The following ISM1 variants were observed in gnomAD, a reference collection of about 807,000 sequenced individuals.
ISM1 encodes isthmin 1.
Under a neutral mutation model 46.3 loss-of-function variants are expected in ISM1, and 25 were observed. The observed-to-expected ratio is 0.54, with a 90% confidence interval of 0.39 to 0.75. ISM1 has a LOEUF of 0.75. Ranked by LOEUF, ISM1 falls within the 30% of genes least tolerant of loss-of-function variation. The probability of loss-of-function intolerance (pLI) is 0.00; values close to 1 mark genes in which losing one functional copy is unlikely to be tolerated. For synonymous variants in ISM1, 255 were observed against 256.7 expected, an observed-to-expected ratio of 0.99 and a Z score of 0.06; for missense variants, 536 against 625.4, an observed-to-expected ratio of 0.86 and a Z score of 1.52.
intron 5 of ISM1, among the ~76,000 whole-genome samples, chr20:13,296,720 G>A (rs935529058): frequency 2.6e-5 from 4 of 152,132 alleles, no homozygotes; most frequent in Non-Finnish European, 2.9e-5. Flanking sequence ...TCAAAGTTTG[G>A]TTAAGATGCA....
At chr20:13,282,198 G>C (rs1480210123) in intron 3 of ISM1, among the ~76,000 whole-genome samples, 1 of 152,068 alleles carries the variant, frequency 6.6e-6, no homozygotes, top group Non-Finnish European at 1.5e-5. Context: ...GTTGAATTGG[G>C]ATCTCTGAAT....
the ISM1 span, among the ~76,000 whole-genome samples, chr20:13,319,886 G>A: frequency 6.6e-6 from 1 of 152,208 alleles, no homozygotes; most frequent in East Asian, 1.9e-4. Context: ...AACCAGCTCA[G>A]GTCCTGCAGA....
the ISM1 span, among the ~76,000 whole-genome samples, chr20:13,311,254 TAGATA>T: frequency 7.4e-6 from 1 of 135,600 alleles, no homozygotes; most frequent in African/African-American, 2.8e-5. Flanking sequence ...GATAGATAGA[TAGATA>T]GATAGATAGA....
intron 3 of ISM1, among the ~76,000 whole-genome samples, 195 bp downstream of exon 3, chr20:13,280,093 T>C (rs926045388): frequency 6.6e-6 from 1 of 152,152 alleles, no homozygotes; most frequent in African/African-American, 2.4e-5. Flanking sequence ...AGACTATAAT[T>C]TTAAATCAAA....
intron 4 of ISM1, among the ~76,000 whole-genome samples, chr20:13,289,638 G>T (rs934345511): frequency 6.6e-6 from 1 of 152,024 alleles, no homozygotes; most frequent in South Asian, 2.1e-4. Context: ...AGAAGAGAAG[G>T]GGAAGGGCAT....
chr20:13,246,401 G>A (rs1219716359), intron 1 of ISM1, among the ~76,000 whole-genome samples: 1 of 152,058 alleles, frequency 6.6e-6, no homozygotes, highest in African/African-American at 2.4e-5. Context: ...CTGTGGGTAC[G>A]AAGCATCCCT....
chr20:13,221,942 C>T (rs2039454433), intron 1 of ISM1, 28 bp downstream of exon 1: 2 of 1,313,434 alleles, frequency 1.5e-6, no homozygotes, highest in South Asian at 4.2e-5. Flanking sequence ...GAGGGCCGTG[C>T]GCGGCTGCGG....
chr20:13,252,530 C>G (rs2039879266), intron 1 of ISM1, among the ~76,000 whole-genome samples: 1 of 152,126 alleles, frequency 6.6e-6, no homozygotes, highest in South Asian at 2.1e-4. Flanking sequence ...GCAGGCGGAT[C>G]ATTTGAGGTC....
the ISM1 span, among the ~76,000 whole-genome samples, chr20:13,320,187 G>A: frequency 6.6e-6 from 1 of 152,224 alleles, no homozygotes; most frequent in African/African-American, 2.4e-5. Flanking sequence ...TCCTGGAAGA[G>A]CACAGGATGT....
chr20:13,325,008 C>G, the ISM1 span, among the ~76,000 whole-genome samples: 3 of 152,302 alleles, frequency 2.0e-5, no homozygotes, highest in South Asian at 2.1e-4. Flanking sequence ...GTTAGTGCAG[C>G]TATTTCTCTA....
chr20:13,306,283 T>C, the ISM1 span, among the ~76,000 whole-genome samples: 573 of 152,108 alleles, frequency 3.8e-3, 1 homozygote, highest in Non-Finnish European at 6.8e-3. Context: ...TTCTATGTTG[T>C]TTAGTTTATT....
intron 1 of ISM1, among the ~76,000 whole-genome samples, chr20:13,268,008 T>G (rs746303910): frequency 6.6e-6 from 1 of 152,216 alleles, no homozygotes; most frequent in Admixed American, 6.5e-5. Flanking sequence ...GGGTTGGAGA[T>G]TAAGGGAAAA....
rs2040302943 is a variant in ISM1 at position 13,287,169 on chromosome 20, A to G, written c.644-1371A>G. ...ATGAAGACATACCCGAGACTGGGTA[A>G]TTTATAAAGGAAAGAGATTTAATGG... On this transcript the variant is annotated intron_variant, in intron 3 of 5. Transcript: ENST00000262487. Among the ~76,000 whole-genome samples the G allele has an allele frequency of 3.3e-5, 5 of 152,196 alleles. No homozygotes were observed. The South Asian group carries it at 1.0e-3, about 32-fold the overall frequency.
In ISM1 at chr20:13,295,070, G is replaced by A. The variant is rs1052532217; in HGVS notation, c.877+2607G>A. On this transcript the variant is annotated intron_variant, in intron 5 of 5. Coordinates refer to ENST00000262487, the MANE Select transcript of ISM1 (RefSeq NM_080826.2). ...TTGCCAGCTGCCCCTCACCCTGACCGTGTGATTTCCACCCACACCACCACC... is the reference window on the plus strand; with the variant it reads ...TTGCCAGCTGCCCCTCACCCTGACCATGTGATTTCCACCCACACCACCACC... 3.9e-5 allele frequency among the ~76,000 whole-genome samples: 6 copies of A among 152,096 alleles called. No individual in the cohort carries two copies. The East Asian group carries it at 7.8e-4, about 20-fold the overall frequency.
chr20:13,305,057 CAT>C (rs2040489109), downstream of ISM1, among the ~76,000 whole-genome samples: 3 of 151,760 alleles, frequency 2.0e-5, no homozygotes, highest in African/African-American at 7.3e-5. Context: ...TTGATAATAA[CAT>C]AGTATTATTT....
intron 5 of ISM1, among the ~76,000 whole-genome samples, chr20:13,297,933 T>C (rs1327249015): frequency 6.6e-6 from 1 of 152,126 alleles, no homozygotes; most frequent in Non-Finnish European, 1.5e-5. Context: ...TTGAGGCGCC[T>C]TGCCATGTGA....
At chr20:13,286,559 A>G (rs975684092) in intron 3 of ISM1, among the ~76,000 whole-genome samples, 1 of 151,988 alleles carries the variant, frequency 6.6e-6, no homozygotes, top group African/African-American at 2.4e-5. Flanking sequence ...TTTTTGGGGG[A>G]TTGGGAGGAA....
intron 1 of ISM1, among the ~76,000 whole-genome samples, chr20:13,249,830 GTTTT>G (rs1291673254): frequency 1.5e-5 from 2 of 130,522 alleles, no homozygotes; most frequent in African/African-American, 3.1e-5. Context: ...GTTTTGTTTT[GTTTT>G]GTTTCCTGGC....
downstream of ISM1, among the ~76,000 whole-genome samples, chr20:13,302,332 T>C (rs1045470791): frequency 1.3e-5 from 2 of 152,330 alleles, no homozygotes; most frequent in Admixed American, 1.3e-4. Context: ...CCATGCATCA[T>C]CAGATGGTTC....
Sources: gnomAD v4.1 joint callset for allele counts (sites outside exome capture counted in the v4.1 genomes callset) on GRCh38, gnomAD v4.1.1 for gene constraint, MANE v1.5 for transcripts, NCBI Gene and HGNC (gene_info 2026-07-23, HGNC 2026-07-21) for gene names.